The following SLC28A3 variants were observed in gnomAD, a reference collection of about 807,000 sequenced individuals.
SLC28A3 encodes solute carrier family 28 member 3.
A neutral mutation model predicts 84.2 loss-of-function variants in SLC28A3; 68 were observed. The observed-to-expected ratio is 0.81, with a 90% CI of 0.66 to 0.99. The LOEUF (loss-of-function observed/expected upper bound fraction) is 0.99. SLC28A3 is among the 50% of genes least tolerant of loss of function. The pLI, the probability that SLC28A3 is intolerant of heterozygous loss-of-function variation, is 0.00. For synonymous variants in SLC28A3, 267 were observed against 303.6 expected (o/e 0.88, Z 1.25); for missense variants, 712 against 841.5 (o/e 0.85, Z 1.90).
intron 1 of SLC28A3, among the ~76,000 whole-genome samples, chr9:84,317,895 C>T (rs1826228365): frequency 6.6e-6 from 1 of 152,212 alleles, no homozygotes; most frequent in African/African-American, 2.4e-5. Flanking sequence ...TCAAAATCAA[C>T]ATCTGTTTGG....
At chr9:84,340,154 C>T (rs1310015714) in intron 1 of SLC28A3, among the ~76,000 whole-genome samples, 1 of 152,132 alleles carries the variant, frequency 6.6e-6, no homozygotes, top group African/African-American at 2.4e-5. Context: ...TGCTCTGGGG[C>T]AGGTACCGGG....
Position 84,302,409 on chromosome 9 carries a change from A to G in SLC28A3, c.335-20T>C. On this transcript the variant is annotated intron_variant, in intron 4 of 17. Coordinates refer to ENST00000376238, the MANE Select transcript of SLC28A3 (RefSeq NM_001199633.2). ...GATAACCTGTCCAGGAAGCAAAAAC[A>G]GACACTGAACATCACTAACCACTGG... 6.2e-7 allele frequency: 1 copy of G among 1,609,228 alleles called. No individual in the cohort carries two copies. The highest frequency in any genetic ancestry group is 8.5e-7 in the Non-Finnish European group (1 of 1,178,002).
intron 8 of SLC28A3, among the ~76,000 whole-genome samples, chr9:84,295,471 A>G (rs1339711344): frequency 6.6e-6 from 1 of 152,028 alleles, no homozygotes; most frequent in African/African-American, 2.4e-5. Context: ...TGTAATCCCA[A>G]CTACTGGGGA....
chr9:84,305,680 A>T (rs982150967), intron 3 of SLC28A3, among the ~76,000 whole-genome samples: 1 of 152,182 alleles, frequency 6.6e-6, no homozygotes, highest in Non-Finnish European at 1.5e-5. Flanking sequence ...CTGGCACACT[A>T]TGAGATCCTC....
At chr9:84,297,598 C>T (rs547690221) in intron 7 of SLC28A3, among the ~76,000 whole-genome samples, 20 of 152,286 alleles carry the variant, frequency 1.3e-4, no homozygotes, top group African/African-American at 4.8e-4. Flanking sequence ...CATTAGTTAG[C>T]ACTGGATGCA....
intron 1 of SLC28A3, among the ~76,000 whole-genome samples, chr9:84,327,638 C>T (rs983849202): frequency 1.3e-5 from 2 of 152,072 alleles, no homozygotes; most frequent in African/African-American, 4.8e-5. Flanking sequence ...AAACTCCTCC[C>T]TGTCTTGGAT....
intron 10 of SLC28A3, chr9:84,292,465 C>G (rs970834903): frequency 5.2e-6 from 2 of 383,332 alleles, no homozygotes. Context: ...GTCTCTCTGT[C>G]TCTCTCTCTG....
intron 1 of SLC28A3, among the ~76,000 whole-genome samples, chr9:84,322,922 A>G (rs1826424438): frequency 6.6e-6 from 1 of 152,226 alleles, no homozygotes; most frequent in Non-Finnish European, 1.5e-5. Flanking sequence ...AGAATGACTC[A>G]AGATGTTAGA....
the SLC28A3 span, among the ~76,000 whole-genome samples, chr9:84,358,503 T>C: frequency 6.6e-6 from 1 of 152,168 alleles, no homozygotes; most frequent in East Asian, 1.9e-4. Flanking sequence ...TTGGCCACTC[T>C]GAGATTCCCT....
chr9:84,282,159 TAA>T (rs1824780039), intron 14 of SLC28A3, among the ~76,000 whole-genome samples: 2 of 151,816 alleles, frequency 1.3e-5, no homozygotes, highest in African/African-American at 4.8e-5. Context: ...ATAATAAAAA[TAA>T]AAGAAATTCT....
Position 84,307,387 on chromosome 9 carries a change from C to T in SLC28A3, c.243-2042G>A, listed in dbSNP as rs1232337688. Reference sequence around the variant, plus strand: ...CGGAGGTTGCAGTGAGCCAAAATTGCGCCATTGGATTCCAGCCTGGGAGAC... The same window carrying T: ...CGGAGGTTGCAGTGAGCCAAAATTGTGCCATTGGATTCCAGCCTGGGAGAC... On this transcript the variant is annotated intron_variant, in intron 3 of 17. Transcript: ENST00000376238. Among the ~76,000 whole-genome samples, 5 of 142,252 alleles carry T rather than the reference C, an allele frequency of 3.5e-5. No individual in the cohort carries two copies. The East Asian group carries it at 8.5e-4, about 24-fold the overall frequency. The allele number at this position is 142,252 out of a possible 152,430, so 93.3% of individuals were successfully genotyped here.
chr9:84,322,570 T>C (rs1326712353), intron 1 of SLC28A3, among the ~76,000 whole-genome samples: 2 of 152,062 alleles, frequency 1.3e-5, no homozygotes, highest in African/African-American at 4.8e-5. Flanking sequence ...TGAGGCCCAG[T>C]GTGGTGGCTG....
Position 84,299,578 on chromosome 9 carries a change from T to C in SLC28A3, c.669+3A>G. 6.2e-7 allele frequency: 1 copy of C among 1,613,796 alleles called. No individual in the cohort carries two copies. Among genetic ancestry groups the C allele is most frequent in the Middle Eastern group, 1.7e-4 (1 of 6,054 alleles). On this transcript the variant is annotated splice_donor_region_variant and intron_variant, in intron 6 of 17. Coordinates refer to ENST00000376238, the MANE Select transcript of SLC28A3 (RefSeq NM_001199633.2). Reference sequence around the variant, plus strand: ...GAACCTAAAAGATCAACTGGATACTTACTCTGGTTGGGTACTTGGAAAATA... The same window carrying C: ...GAACCTAAAAGATCAACTGGATACTCACTCTGGTTGGGTACTTGGAAAATA...
At chr9:84,291,627 C>T (rs1257215893) in intron 10 of SLC28A3, among the ~76,000 whole-genome samples, 3 of 152,210 alleles carry the variant, frequency 2.0e-5, no homozygotes, top group African/African-American at 4.8e-5. Context: ...TGAGCCACTG[C>T]GCCCAGCCGT....
the SLC28A3 span, among the ~76,000 whole-genome samples, chr9:84,347,125 G>A: frequency 1.4e-5 from 2 of 148,026 alleles, no homozygotes; most frequent in African/African-American, 2.5e-5. Flanking sequence ...AGAATATCTT[G>A]AGCCCAGGAG....
chr9:84,297,918 G>A lies in SLC28A3; in HGVS notation c.771C>T (p.Gly257=). The part of the protein sequence containing the change: ...DPGFIAFDWL[G]RQVQTFLEYT... ...GAACCAAACTTACCTGAACTTGTCT[G>A]CCCAACCAATCAAAAGCTATAAATC... Residue 257 remains glycine, a synonymous_variant, in exon 7 of 18, where the codon GGC becomes GGT. Transcript: ENST00000376238. The A allele has an allele frequency of 6.2e-7, 1 of 1,603,040 alleles. No homozygotes were observed. Among genetic ancestry groups the A allele is most frequent in the Non-Finnish European group, 8.5e-7 (1 of 1,177,686 alleles).
intron 10 of SLC28A3, among the ~76,000 whole-genome samples, chr9:84,291,642 A>G (rs1825227980): frequency 6.6e-6 from 1 of 152,224 alleles, no homozygotes; most frequent in Admixed American, 6.5e-5. Context: ...AGCCGTAAGC[A>G]TAGTCTTTAG....
At chr9:84,314,962 A>G (rs1157386008) in intron 1 of SLC28A3, among the ~76,000 whole-genome samples, 2 of 152,146 alleles carry the variant, frequency 1.3e-5, no homozygotes, top group African/African-American at 4.8e-5. Context: ...TTGTAATCCC[A>G]ACTACTTGGG....
intron 1 of SLC28A3, among the ~76,000 whole-genome samples, chr9:84,320,983 A>G (rs938586661): frequency 1.3e-5 from 2 of 151,654 alleles, no homozygotes; most frequent in Admixed American, 1.3e-4. Flanking sequence ...AAAAAAAAAA[A>G]AAGAAAGAAA....
Sources: allele counts gnomAD v4.1 joint callset (sites outside exome capture counted in the v4.1 genomes callset), GRCh38; gene constraint gnomAD v4.1.1; transcripts MANE v1.5; gene names NCBI Gene and HGNC (gene_info 2026-07-23, HGNC 2026-07-21).